Variants in SOBP observed in about 807,000 individuals in gnomAD.
The protein encoded by SOBP is sine oculis-binding protein homolog.
In SOBP, 4 loss-of-function variants were observed where a neutral mutation model predicts 53.6. That is an observed-to-expected ratio of 0.07 (90% CI 0.04 to 0.17). The LOEUF (loss-of-function observed/expected upper bound fraction) is 0.17, where lower values mean the gene tolerates loss of function less well. Ranked by LOEUF, SOBP falls within the 10% of genes least tolerant of loss-of-function variation. SOBP has a pLI of 1.00. For missense variants in SOBP, 1,088 were observed against 1,204.7 expected (o/e 0.90, Z 1.43); for synonymous variants, 584 against 522.6 (o/e 1.12, Z -1.60).
At chr6:107,656,748 G>A (rs982536512) in intron 6 of SOBP, among the ~76,000 whole-genome samples, 8 of 152,232 alleles carry the variant, frequency 5.3e-5, no homozygotes, top group Non-Finnish European at 1.2e-4. Flanking sequence ...AACACTCCAA[G>A]CAAGCTTCCA....
chr6:107,552,358 A>G (rs972834935), intron 4 of SOBP, among the ~76,000 whole-genome samples: 2 of 152,204 alleles, frequency 1.3e-5, no homozygotes, highest in Non-Finnish European at 1.5e-5. Context: ...AGATAGTAAA[A>G]GGGAATGCTC....
chr6:107,593,016 G>A (rs966618763), intron 5 of SOBP, among the ~76,000 whole-genome samples: 10 of 152,308 alleles, frequency 6.6e-5, no homozygotes, highest in Non-Finnish European at 1.3e-4. Flanking sequence ...TATTTCATCT[G>A]CACATTCCTC....
At position 107,561,009 on chromosome 6, in the gene SOBP, T is replaced by G. The variant is rs1256022622; in HGVS notation, c.574-26071T>G. On this transcript the variant is annotated intron_variant, in intron 4 of 6. Coordinates refer to ENST00000317357, the MANE Select transcript of SOBP (RefSeq NM_018013.4). ...CATAAACACTTCTGATGCATGCCCT[T>G]TCTTCTGCAAAGGTCTGTCTCTGGG... 2.6e-5 allele frequency among the ~76,000 whole-genome samples: 4 copies of G among 152,178 alleles called. No individual in the cohort carries two copies. The East Asian group carries it at 7.7e-4, about 29-fold the overall frequency.
At chr6:107,519,218 C>T (rs1583166584) in intron 3 of SOBP, among the ~76,000 whole-genome samples, 1 of 148,002 alleles carries the variant, frequency 6.8e-6, no homozygotes, top group Non-Finnish European at 1.5e-5. Context: ...TTGGTAATAT[C>T]GGGAGACATT....
chr6:107,534,150 G>A (rs1406281995), intron 4 of SOBP, among the ~76,000 whole-genome samples: 1 of 152,144 alleles, frequency 6.6e-6, no homozygotes, highest in African/African-American at 2.4e-5. Context: ...TCATGAATAC[G>A]TGAAACAACA....
chr6:107,595,349 C>CTT (rs1785908231), intron 5 of SOBP, among the ~76,000 whole-genome samples: 1 of 95,396 alleles, frequency 1.0e-5, no homozygotes, highest in South Asian at 4.7e-4. Context: ...AGATTTTGAT[C>CTT]CTTTTTTTTT....
At chr6:107,649,626 T>A (rs1043251004) in intron 6 of SOBP, among the ~76,000 whole-genome samples, 36 of 151,814 alleles carry the variant, frequency 2.4e-4, no homozygotes, top group Non-Finnish European at 4.3e-4. Flanking sequence ...CTATTTTTCT[T>A]TTTTGGGAGT....
chr6:107,534,333 C>G (rs757320924), intron 4 of SOBP, among the ~76,000 whole-genome samples: 9 of 152,318 alleles, frequency 5.9e-5, no homozygotes, highest in Middle Eastern at 3.4e-3. Flanking sequence ...TTTACAATCA[C>G]ACGCACATGC....
At chr6:107,503,989 A>G (rs1367279562) in intron 2 of SOBP, among the ~76,000 whole-genome samples, 194 bp downstream of exon 2, 5 of 152,254 alleles carry the variant, frequency 3.3e-5, no homozygotes, top group Admixed American at 2.6e-4. Flanking sequence ...TAAAACAAAA[A>G]TAGACACAGC....
chr6:107,582,906 C>A (rs1318275146), intron 4 of SOBP, among the ~76,000 whole-genome samples: 1 of 152,156 alleles, frequency 6.6e-6, no homozygotes, highest in Non-Finnish European at 1.5e-5. Flanking sequence ...GATTTAAGAA[C>A]AATAATAAAA....
intron 4 of SOBP, among the ~76,000 whole-genome samples, chr6:107,542,423 C>T (rs1267378190): frequency 6.6e-6 from 1 of 152,094 alleles, no homozygotes; most frequent in Non-Finnish European, 1.5e-5. Flanking sequence ...GGTGAGAAGC[C>T]AAATGACGTA....
At chr6:107,557,907 A>G (rs780004865) in intron 4 of SOBP, 1 of 152,170 alleles carries the variant, frequency 6.6e-6, no homozygotes, top group Non-Finnish European at 1.5e-5. Flanking sequence ...ATGACTCTGC[A>G]TAATTTATGG....
intron 3 of SOBP, chr6:107,514,283 A>G (rs1783254477): frequency 6.6e-6 from 1 of 152,218 alleles, no homozygotes; most frequent in Admixed American, 6.5e-5. Flanking sequence ...GGTGCATGGT[A>G]GGACTACAAG....
At chr6:107,610,733 G>C (rs1376728498) in intron 5 of SOBP, among the ~76,000 whole-genome samples, 4 of 152,016 alleles carry the variant, frequency 2.6e-5, no homozygotes, top group Non-Finnish European at 4.4e-5. Flanking sequence ...CCAACCACAT[G>C]CCCACTCTCT....
intron 5 of SOBP, among the ~76,000 whole-genome samples, chr6:107,608,039 C>T (rs910869201): frequency 7.2e-5 from 11 of 152,188 alleles, no homozygotes; most frequent in Non-Finnish European, 4.4e-5. Context: ...TGAATGCCAT[C>T]TAAGGTAAGA....
At chr6:107,601,994 A>G (rs1786194595) in intron 5 of SOBP, among the ~76,000 whole-genome samples, 1 of 152,220 alleles carries the variant, frequency 6.6e-6, no homozygotes, top group Non-Finnish European at 1.5e-5. Context: ...GTTATTGGAT[A>G]GCTCAGCATG....
intron 3 of SOBP, among the ~76,000 whole-genome samples, chr6:107,526,191 G>T (rs1023364779): frequency 1.3e-5 from 2 of 152,080 alleles, no homozygotes; most frequent in Non-Finnish European, 2.9e-5. Flanking sequence ...GACCTCAAGT[G>T]ATCCACCCAC....
chr6:107,553,850 G>GCCT (rs1784535646), intron 4 of SOBP, among the ~76,000 whole-genome samples: 1 of 152,068 alleles, frequency 6.6e-6, no homozygotes, highest in Admixed American at 6.6e-5. Context: ...TTGAACTCCT[G>GCCT]GTCTCAGGTC....
At chr6:107,529,853 A>G (rs541930073) in intron 3 of SOBP, among the ~76,000 whole-genome samples, 1 of 152,234 alleles carries the variant, frequency 6.6e-6, no homozygotes, top group African/African-American at 2.4e-5. Flanking sequence ...CTCTTGGAAC[A>G]TTAGATTGGA....
Sources: allele counts gnomAD v4.1 joint callset (sites outside exome capture counted in the v4.1 genomes callset), GRCh38; gene constraint gnomAD v4.1.1; transcripts MANE v1.5; gene names NCBI Gene and HGNC (gene_info 2026-07-23, HGNC 2026-07-21).